EPHB2: variants seen among roughly 807,000 people sequenced by gnomAD.
EPHB2 encodes ephrin type-B receptor 2.
In EPHB2, 18 loss-of-function variants were observed where a neutral mutation model predicts 96.4. That is an observed-to-expected ratio of 0.19 (90% confidence interval 0.13 to 0.28). The LOEUF is 0.28. Ranked by LOEUF, EPHB2 falls within the 10% of genes least tolerant of loss-of-function variation. EPHB2 has a pLI of 1.00. For missense variants in EPHB2, 989 were observed against 1,355.4 expected (o/e 0.73, Z 4.25); for synonymous variants, 506 against 534.1 (o/e 0.95, Z 0.72).
intron 3 of EPHB2, among the ~76,000 whole-genome samples, chr1:22,814,635 A>G (rs921235315): frequency 6.6e-6 from 1 of 152,198 alleles, no homozygotes; most frequent in African/African-American, 2.4e-5. Flanking sequence ...AGGTGAATGC[A>G]CTGCTTAAGG....
In EPHB2 at chr1:22,882,344, T is replaced by C. The variant is rs752117082; in HGVS notation, c.1304-15T>C. On this transcript the variant is annotated splice_polypyrimidine_tract_variant and intron_variant, in intron 5 of 15. Transcript: ENST00000374630. Reference sequence around the variant, plus strand: ...TCATGCCTCCCTGATCCCTGACCTCTGGCCTCTCTTCCAGCTCCATCGGCA... The same window carrying C: ...TCATGCCTCCCTGATCCCTGACCTCCGGCCTCTCTTCCAGCTCCATCGGCA... 6.8e-6 allele frequency: 11 copies of C among 1,613,302 alleles called. No homozygotes were observed. Among genetic ancestry groups the C allele is most frequent in the Middle Eastern group, 1.7e-4 (1 of 5,810 alleles).
intron 3 of EPHB2, among the ~76,000 whole-genome samples, chr1:22,803,643 GTGTATATATATATATGTGTATATATA>G (rs1557683705): frequency 2.9e-3 from 6 of 2,044 alleles, no homozygotes; most frequent in Admixed American, 0.01. Context: ...GTATATATAT[GTGTATATATATATATGTGTATATATA>G]TGTGTGTATA....
In EPHB2 at chr1:22,915,678, G is replaced by A. The variant is rs1166298547; in HGVS notation, c.*2108G>A. The A allele has an allele frequency of 6.6e-6, 1 of 152,268 alleles. No homozygotes were observed. Among genetic ancestry groups the A allele is most frequent in the Non-Finnish European group, 1.5e-5 (1 of 68,090 alleles). The allele number at this position is 152,268 out of a possible 1,614,324, so 9.4% of individuals were successfully genotyped here. A position where few individuals can be genotyped will look rare whatever the true frequency, so the allele number is the denominator to read the frequency against. Reference sequence around the variant, plus strand: ...GAGCTGTCATAGTGGGAACGTGAGGGTCTTAGAGTGCTCATGTACCCCCAG... The same window carrying A: ...GAGCTGTCATAGTGGGAACGTGAGGATCTTAGAGTGCTCATGTACCCCCAG... On this transcript the variant is annotated 3_prime_UTR_variant, in exon 16 of 16. Coordinates refer to ENST00000374630, the MANE Select transcript of EPHB2 (RefSeq NM_017449.5).
intron 3 of EPHB2, among the ~76,000 whole-genome samples, chr1:22,808,905 C>T (rs1455121024): frequency 6.6e-6 from 1 of 152,224 alleles, no homozygotes; most frequent in Non-Finnish European, 1.5e-5. Context: ...TGTCCTCCAT[C>T]GTCATGGGAC....
intron 3 of EPHB2, among the ~76,000 whole-genome samples, chr1:22,819,517 CA>C (rs888600264): frequency 1.3e-5 from 2 of 152,086 alleles, no homozygotes; most frequent in Non-Finnish European, 2.9e-5. Flanking sequence ...TGAGTCAAAC[CA>C]AGTTATAAAT....
At chr1:22,796,190 A>T (rs1333137568) in intron 3 of EPHB2, among the ~76,000 whole-genome samples, 1 of 152,324 alleles carries the variant, frequency 6.6e-6, no homozygotes, top group East Asian at 1.9e-4. Context: ...CAGTTGGGGA[A>T]TACAGTGGGA....
intron 1 of EPHB2, among the ~76,000 whole-genome samples, chr1:22,729,263 A>G (rs1218955279): frequency 6.6e-6 from 1 of 152,220 alleles, no homozygotes; most frequent in Non-Finnish European, 1.5e-5. Context: ...TGGGCATGAG[A>G]TGCTGGAAGG....
intron 9 of EPHB2, among the ~76,000 whole-genome samples, chr1:22,905,581 C>T (rs566192447): frequency 1.6e-4 from 25 of 152,308 alleles, no homozygotes; most frequent in Non-Finnish European, 1.5e-5. Context: ...AGTTCCAATT[C>T]GCTCCCTTCC....
intron 3 of EPHB2, among the ~76,000 whole-genome samples, chr1:22,814,758 C>T (rs1367719324): frequency 6.6e-6 from 1 of 152,204 alleles, no homozygotes; most frequent in Non-Finnish European, 1.5e-5. Context: ...AGCATGGGCT[C>T]CGAGCCCAGT....
At chr1:22,793,429 A>G (rs1644724546) in intron 3 of EPHB2, among the ~76,000 whole-genome samples, 1 of 152,130 alleles carries the variant, frequency 6.6e-6, no homozygotes, top group Non-Finnish European at 1.5e-5. Flanking sequence ...AGGAGGAGCC[A>G]TTTTCCCAGG....
At chr1:22,719,021 T>G (rs1643367493) in intron 1 of EPHB2, among the ~76,000 whole-genome samples, 1 of 152,182 alleles carries the variant, frequency 6.6e-6, no homozygotes, top group Non-Finnish European at 1.5e-5. Flanking sequence ...ATGGGAGGGT[T>G]CTACAACTCA....
intron 1 of EPHB2, among the ~76,000 whole-genome samples, chr1:22,734,638 T>A (rs950778645): frequency 6.6e-6 from 1 of 152,088 alleles, no homozygotes; most frequent in South Asian, 2.1e-4. Context: ...GCCAGGCTGG[T>A]CTCTAACTCC....
In EPHB2 at chr1:22,860,688, G is replaced by A. The variant is rs937671382; in HGVS notation, c.812-2349G>A. ...GCTGTCTCCAGAGAGGGAGCAGGAGGAGCCTGATCTTGGGGCCAAAACCCT... is the reference window on the plus strand; with the variant it reads ...GCTGTCTCCAGAGAGGGAGCAGGAGAAGCCTGATCTTGGGGCCAAAACCCT... On this transcript the variant is annotated intron_variant, in intron 3 of 15. Coordinates refer to ENST00000374630, the MANE Select transcript of EPHB2 (RefSeq NM_017449.5). The surrounding 1 kb of genome is among the most constrained non-coding windows in gnomAD (Gnocchi z 4.6). Among the ~76,000 whole-genome samples, 3 of 152,148 alleles carry A rather than the reference G, an allele frequency of 2.0e-5. No individual in the cohort carries two copies. The highest frequency in any genetic ancestry group is 4.4e-5 in the Non-Finnish European group (3 of 68,022).
At chr1:22,855,870 A>G (rs151335688) in intron 3 of EPHB2, among the ~76,000 whole-genome samples, 6 of 152,286 alleles carry the variant, frequency 3.9e-5, no homozygotes, top group African/African-American at 1.2e-4. Context: ...GAGAGGCAGG[A>G]CTGGAATTAA....
At chr1:22,810,273 A>G (rs1314147114) in intron 3 of EPHB2, among the ~76,000 whole-genome samples, 2 of 152,158 alleles carry the variant, frequency 1.3e-5, no homozygotes, top group Non-Finnish European at 2.9e-5. Context: ...GCTCAACACC[A>G]TGCAGCAGGG....
chr1:22,772,350 A>T (rs1401945863), intron 1 of EPHB2, among the ~76,000 whole-genome samples: 1 of 152,170 alleles, frequency 6.6e-6, no homozygotes, highest in Non-Finnish European at 1.5e-5. Flanking sequence ...AGCAGGCTCC[A>T]AGCAGGCAAC....
At chr1:22,888,447 A>C (rs1399167789) in intron 6 of EPHB2, among the ~76,000 whole-genome samples, 1 of 152,080 alleles carries the variant, frequency 6.6e-6, no homozygotes, top group Non-Finnish European at 1.5e-5. Flanking sequence ...TTTCCTTTTA[A>C]ATCTCCAAAA....
intron 3 of EPHB2, among the ~76,000 whole-genome samples, chr1:22,804,728 C>T (rs1313391844): frequency 6.6e-6 from 1 of 151,946 alleles, no homozygotes; most frequent in Non-Finnish European, 1.5e-5. Flanking sequence ...CTCTTCCCTC[C>T]CACCTGCCTC....
chr1:22,784,764 G>A lies in EPHB2; in HGVS notation c.499G>A (p.Gly167Arg), dbSNP rs1215107970. ...MKINTEVRSFGPVSRSGFYLA... is the reference protein window; with the variant it reads ...MKINTEVRSFRPVSRSGFYLA... ...AATCAACACCGAGGTGCGGAGCTTC[G>A]GACCTGTGTCCCGCAGCGGCTTCTA... Residue 167 changes from glycine (G) to arginine (R), a missense_variant, in exon 3 of 16, where the codon GGA (glycine) becomes AGA (arginine). Physicochemically the swap from Gly to Arg is moderately radical, Grantham distance 125. Coordinates refer to ENST00000374630, the MANE Select transcript of EPHB2 (RefSeq NM_017449.5). The surrounding 1 kb of genome is among the most constrained non-coding windows in gnomAD (Gnocchi z 5.1). 6 of 1,609,806 alleles carry A rather than the reference G, an allele frequency of 3.7e-6. No homozygotes were observed. Among genetic ancestry groups the A allele is most frequent in the South Asian group, 1.1e-5 (1 of 90,854 alleles).
Sources: gnomAD v4.1 joint callset for allele counts (sites outside exome capture counted in the v4.1 genomes callset) on GRCh38, gnomAD v4.1.1 for gene constraint, Gnocchi (gnomAD v3.1) non-coding constraint, MANE v1.5 for transcripts, NCBI Gene and HGNC (gene_info 2026-07-23, HGNC 2026-07-21) for gene names.